IMMP2L: variants seen among roughly 807,000 people sequenced by gnomAD.
The protein encoded by IMMP2L is inner mitochondrial membrane peptidase subunit 2.
Under a neutral mutation model 19.3 loss-of-function variants are expected in IMMP2L, and 18 were observed. The ratio of observed to expected loss-of-function variants is 0.93; its 90% CI spans 0.64 to 1.38. The LOEUF (loss-of-function observed/expected upper bound fraction) is 1.38, where lower values mean the gene tolerates loss of function less well. Among genes scored for constraint, IMMP2L ranks in the 40% most tolerant of loss-of-function variants. The pLI, the probability that IMMP2L is intolerant of heterozygous loss-of-function variation, is 0.00. For missense variants in IMMP2L, 233 were observed against 218.2 expected (o/e 1.07, Z -0.43); for synonymous variants, 76 against 73.0 (o/e 1.04, Z -0.21).
At chr7:111,520,068 G>A (rs987385687) in intron 2 of IMMP2L, among the ~76,000 whole-genome samples, 2 of 152,072 alleles carry the variant, frequency 1.3e-5, no homozygotes, top group Non-Finnish European at 2.9e-5. Context: ...CTAAGACAAG[G>A]CTGCTAGGAA....
chr7:110,797,575 G>C (rs1054733652), intron 5 of IMMP2L, among the ~76,000 whole-genome samples: 2 of 151,912 alleles, frequency 1.3e-5, no homozygotes, highest in Non-Finnish European at 2.9e-5. Context: ...TAGACAACAC[G>C]TTTCTGTTGT....
chr7:111,094,756 A>C (rs1285093374), intron 3 of IMMP2L, among the ~76,000 whole-genome samples: 2 of 152,160 alleles, frequency 1.3e-5, no homozygotes. Flanking sequence ...TCACTAGTAA[A>C]ACATGATAAC....
intron 3 of IMMP2L, among the ~76,000 whole-genome samples, chr7:111,102,121 A>G (rs1267506927): frequency 1.3e-5 from 2 of 151,424 alleles, no homozygotes; most frequent in African/African-American, 2.4e-5. Context: ...CAAAATCCCT[A>G]TATTGGGATA....
intron 3 of IMMP2L, among the ~76,000 whole-genome samples, chr7:111,129,431 T>G (rs1022375012): frequency 6.6e-6 from 1 of 150,630 alleles, no homozygotes; most frequent in Non-Finnish European, 1.5e-5. Flanking sequence ...ATGTTATATA[T>G]ATTATTACCA....
chr7:111,341,380 A>G (rs1275348182), intron 3 of IMMP2L, among the ~76,000 whole-genome samples: 1 of 152,156 alleles, frequency 6.6e-6, no homozygotes, highest in Non-Finnish European at 1.5e-5. Flanking sequence ...AACATAATGA[A>G]TGAATATATG....
In IMMP2L at chr7:111,078,894, T is replaced by C. The variant is rs549104902; in HGVS notation, c.240-115329A>G. Among the ~76,000 whole-genome samples the C allele has an allele frequency of 5.3e-5, 8 of 152,168 alleles. No individual in the cohort carries two copies. In the East Asian group the frequency reaches 1.4e-3, roughly 26 times the overall value. On this transcript the variant is annotated intron_variant, in intron 3 of 5. Coordinates refer to ENST00000405709, the MANE Select transcript of IMMP2L (RefSeq NM_032549.4). ...GCAGGCATGCGCCACCACACATGGC[T>C]AATTCTTCTATTTTTAGTAGAGACG... is the stretch of plus-strand genomic sequence containing the variant.
intron 3 of IMMP2L, among the ~76,000 whole-genome samples, chr7:111,182,792 C>G (rs925136218): frequency 6.6e-6 from 1 of 151,876 alleles, no homozygotes; most frequent in African/African-American, 2.4e-5. Context: ...TAAGCAGAGA[C>G]ACGCAAAAGA....
intron 5 of IMMP2L, chr7:110,724,199 T>A (rs544691613): frequency 2.6e-5 from 4 of 152,234 alleles, no homozygotes; most frequent in Non-Finnish European, 5.9e-5. Context: ...GATTTATTTA[T>A]AAGTATAAAA....
intron 3 of IMMP2L, chr7:111,124,438 G>C: frequency 6.2e-7 from 1 of 1,613,786 alleles, no homozygotes; most frequent in Non-Finnish European, 8.5e-7. Flanking sequence ...TAAATGGACA[G>C]CCTTTGTCAA....
At chr7:110,738,549 A>G (rs909775031) in intron 5 of IMMP2L, among the ~76,000 whole-genome samples, 1 of 152,258 alleles carries the variant, frequency 6.6e-6, no homozygotes, top group African/African-American at 2.4e-5. Context: ...AAATGAACAA[A>G]GCATCCAAGA....
At position 111,263,772 on chromosome 7, in the gene IMMP2L, C is replaced by T. The variant is rs112612573; in HGVS notation, c.239+223466G>A. On this transcript the variant is annotated intron_variant, in intron 3 of 5. Coordinates refer to ENST00000405709, the MANE Select transcript of IMMP2L (RefSeq NM_032549.4). Reference sequence around the variant, plus strand: ...GGAGTAAGCAAAGATGACTGAGTAGCGACTAGGGAAATTAGTGAAACACTA... The same window carrying T: ...GGAGTAAGCAAAGATGACTGAGTAGTGACTAGGGAAATTAGTGAAACACTA... Among the ~76,000 whole-genome samples, 522 of 152,022 alleles carry T rather than the reference C, an allele frequency of 3.4e-3. 3 individuals carry two copies. Among genetic ancestry groups the T allele is most frequent in the African/African-American group, 0.012 (492 of 41,466 alleles).
At chr7:111,011,288 G>A (rs1412961373) in intron 3 of IMMP2L, among the ~76,000 whole-genome samples, 1 of 152,076 alleles carries the variant, frequency 6.6e-6, no homozygotes, top group Non-Finnish European at 1.5e-5. Context: ...ATTACTATCT[G>A]ATTCAGTAAC....
intron 3 of IMMP2L, among the ~76,000 whole-genome samples, chr7:111,117,042 A>G (rs149354020): frequency 5.8e-4 from 89 of 152,246 alleles, no homozygotes; most frequent in African/African-American, 2.1e-3. Context: ...TTTGTTTACT[A>G]CTGTGTAGAT....
chr7:111,187,426 TA>T (rs1037274491), intron 3 of IMMP2L, among the ~76,000 whole-genome samples: 14 of 152,138 alleles, frequency 9.2e-5, no homozygotes, highest in African/African-American at 3.1e-4. Context: ...GTTACATATC[TA>T]ACCTTTTAAA....
rs747275966 is a variant in IMMP2L at position 110,728,954 on chromosome 7, G to C, written c.409-65233C>G. ...CACCCAGGCTGGACTGCAATGGCGC[G>C]ATCTCAGCTCACAGCAACCTCCGTC... On this transcript the variant is annotated intron_variant, in intron 5 of 5. Coordinates refer to ENST00000405709, the MANE Select transcript of IMMP2L (RefSeq NM_032549.4). The surrounding 1 kb of genome is among the most constrained non-coding windows in gnomAD (Gnocchi z 4.6). Among the ~76,000 whole-genome samples, 1 of 152,144 alleles carries C rather than the reference G, an allele frequency of 6.6e-6. No individual in the cohort carries two copies. Among genetic ancestry groups the C allele is most frequent in the South Asian group, 2.1e-4 (1 of 4,822 alleles).
chr7:111,262,027 T>C (rs1057332241), intron 3 of IMMP2L, among the ~76,000 whole-genome samples: 2 of 151,966 alleles, frequency 1.3e-5, no homozygotes, highest in Admixed American at 6.6e-5. Context: ...AAGTGAGAAA[T>C]GATGAGGTCC....
In IMMP2L at chr7:111,288,605, C is replaced by T. The variant is rs541247108; in HGVS notation, c.239+198633G>A. On this transcript the variant is annotated intron_variant, in intron 3 of 5. Transcript: ENST00000405709. The stretch of plus-strand genomic sequence containing the variant: ...AAAAACAACCCCATCAAAAAGTGGG[C>T]GAAGGGTATGAACAGACACTTCTCA... Among the ~76,000 whole-genome samples the T allele has an allele frequency of 7.2e-5, 11 of 152,148 alleles. No homozygotes were observed. The South Asian group carries it at 1.2e-3, about 17-fold the overall frequency.
intron 3 of IMMP2L, among the ~76,000 whole-genome samples, chr7:110,971,168 T>C (rs1456901969): frequency 1.3e-5 from 2 of 152,090 alleles, no homozygotes; most frequent in African/African-American, 4.8e-5. Context: ...GAGAATGTTA[T>C]TGAAGAATGG....
intron 3 of IMMP2L, among the ~76,000 whole-genome samples, chr7:111,178,620 C>A (rs1229537466): frequency 1.3e-5 from 2 of 152,080 alleles, no homozygotes; most frequent in Non-Finnish European, 1.5e-5. Flanking sequence ...TATTCTAAGT[C>A]CTTTGTTGTC....
Sources: allele counts gnomAD v4.1 joint callset (sites outside exome capture counted in the v4.1 genomes callset), GRCh38; gene constraint gnomAD v4.1.1; non-coding constraint Gnocchi (gnomAD v3.1); transcripts MANE v1.5; gene names NCBI Gene and HGNC (gene_info 2026-07-23, HGNC 2026-07-21).